NPAS2: variants seen among roughly 807,000 people sequenced by gnomAD.
NPAS2 encodes the protein neuronal PAS domain protein 2.
Under a neutral mutation model 107.5 loss-of-function variants are expected in NPAS2, and 23 were observed. The observed-to-expected ratio is 0.21, with a 90% CI of 0.15 to 0.30. The LOEUF (loss-of-function observed/expected upper bound fraction) is 0.30. Ranked by LOEUF, NPAS2 falls within the 10% of genes least tolerant of loss-of-function variation. The probability of loss-of-function intolerance (pLI) is 1.00; values close to 1 mark genes in which losing one functional copy is unlikely to be tolerated. For synonymous variants in NPAS2, 403 were observed against 417.5 expected (o/e 0.97, Z 0.42); for missense variants, 756 against 1,043.3 (o/e 0.72, Z 3.79).
At chr2:100,824,419 T>A (rs1203190899) in intron 1 of NPAS2, among the ~76,000 whole-genome samples, 1 of 152,182 alleles carries the variant, frequency 6.6e-6, no homozygotes, top group Non-Finnish European at 1.5e-5. Context: ...GTTCTGTTGA[T>A]CAAGACTGCT....
chr2:100,873,303 T>TACACACACAC (rs1553447436), intron 1 of NPAS2, among the ~76,000 whole-genome samples: 4 of 45,974 alleles, frequency 8.7e-5, no homozygotes, highest in East Asian at 9.7e-4. Flanking sequence ...TATATATATA[T>TACACACACAC]ATATACACAC....
intron 11 of NPAS2, chr2:100,970,744 G>T: frequency 2.4e-6 from 1 of 412,564 alleles, no homozygotes; most frequent in Non-Finnish European, 4.3e-6. Context: ...AAATGAGAGG[G>T]GAATAAAGAC....
intron 7 of NPAS2, among the ~76,000 whole-genome samples, chr2:100,960,210 A>T (rs1281423455): frequency 6.6e-6 from 1 of 152,102 alleles, no homozygotes; most frequent in African/African-American, 2.4e-5. Flanking sequence ...TTGAAGTTAC[A>T]GTGTAATGAA....
intron 16 of NPAS2, chr2:100,985,643 T>TC (rs1401059107): frequency 1.3e-5 from 2 of 152,246 alleles, no homozygotes; most frequent in African/African-American, 2.4e-5. Context: ...AGGAAAAAGC[T>TC]CCTTTTTTCA....
chr2:100,993,267 T>A (rs548332755), intron 19 of NPAS2, 80 bp from the exon 20 acceptor site: 1 of 1,368,482 alleles, frequency 7.3e-7, no homozygotes, highest in East Asian at 2.5e-5. Flanking sequence ...TATTTGTTTT[T>A]TCTTTGTTGC....
intron 7 of NPAS2, among the ~76,000 whole-genome samples, chr2:100,957,778 A>G (rs1464309287): frequency 6.6e-6 from 1 of 151,920 alleles, no homozygotes; most frequent in Non-Finnish European, 1.5e-5. Flanking sequence ...TACAGAAAAA[A>G]TTAGCCGGGC....
intron 2 of NPAS2, among the ~76,000 whole-genome samples, chr2:100,924,150 C>T (rs1683414680): frequency 1.3e-5 from 2 of 152,292 alleles, no homozygotes; most frequent in South Asian, 4.1e-4. Flanking sequence ...GTTCCCATAT[C>T]CCCCTGAGCC....
rs750962223 is a variant in NPAS2, at chr2:100,990,385, A to T, written c.1957A>T (p.Thr653Ser). 5.0e-6 allele frequency: 8 copies of T among 1,613,898 alleles called. No homozygotes were observed. The highest frequency in any genetic ancestry group is 6.8e-6 in the Non-Finnish European group (8 of 1,180,012). ...TCTGAATCTGACCACACCTGCTTCC[A>T]CCTCCCAGGATGCCAGCCAGTGCCA... ...PSLNLTTPASTSQDASQCQPS... is the reference protein window; with the variant it reads ...PSLNLTTPASSSQDASQCQPS... Residue 653 changes from threonine (T) to serine (S), a missense_variant, in exon 18 of 21, where the codon ACC (threonine) becomes TCC (serine). By Grantham distance (58) the Thr-to-Ser change is moderately conservative (BLOSUM62 1). Coordinates refer to ENST00000335681, the MANE Select transcript of NPAS2 (RefSeq NM_002518.4).
chr2:100,949,840 C>G (rs896899632), intron 7 of NPAS2, among the ~76,000 whole-genome samples: 1 of 152,206 alleles, frequency 6.6e-6, no homozygotes, highest in Non-Finnish European at 1.5e-5. Flanking sequence ...ATAACCTTGC[C>G]TTCCACACTG....
At position 100,974,939 on chromosome 2, in the gene NPAS2, C is replaced by G; in HGVS notation, c.1277C>G (p.Pro426Arg). Residue 426 changes from proline to arginine, a missense_variant, in exon 13 of 21, where the codon CCC (proline) becomes CGC (arginine). Transcript: ENST00000335681. ...HKSSHTAMSE[P>R]TSTPTKLMAE... The stretch of plus-strand genomic sequence containing the variant: ...TCCTCGCACACAGCCATGTCAGAAC[C>G]CACCTGTGAGTGCGAGTCCATGGAT... 1 of 1,613,906 alleles carries G rather than the reference C, an allele frequency of 6.2e-7. No homozygotes were observed. The highest frequency in any genetic ancestry group is 8.5e-7 in the Non-Finnish European group (1 of 1,179,858).
intron 4 of NPAS2, among the ~76,000 whole-genome samples, chr2:100,935,527 A>G (rs376816482): frequency 6.6e-6 from 1 of 152,228 alleles, no homozygotes; most frequent in South Asian, 2.1e-4. Flanking sequence ...TAAAGCAATG[A>G]CTCAGTGCAG....
At chr2:100,981,096 T>G (rs1348949096) in intron 15 of NPAS2, among the ~76,000 whole-genome samples, 1 of 152,146 alleles carries the variant, frequency 6.6e-6, no homozygotes, top group Non-Finnish European at 1.5e-5. Context: ...TTCTTTTTAT[T>G]ATTATTTTGC....
At chr2:100,934,848 G>GT (rs1232784100) in intron 4 of NPAS2, 76 of 984,946 alleles carry the variant, frequency 7.7e-5, no homozygotes, top group Non-Finnish European at 8.9e-5. Flanking sequence ...CCATCTCTCT[G>GT]TTTTTTTTCA....
At chr2:100,945,185 G>A (rs913102400) in intron 5 of NPAS2, among the ~76,000 whole-genome samples, 9 of 152,056 alleles carry the variant, frequency 5.9e-5, no homozygotes, top group South Asian at 2.1e-4. Context: ...CGGTGCGTCC[G>A]AGCCAGAGCC....
chr2:100,907,795 G>A (rs1006939060), intron 2 of NPAS2, among the ~76,000 whole-genome samples: 5 of 152,120 alleles, frequency 3.3e-5, no homozygotes, highest in South Asian at 2.1e-4. Context: ...ACTTTCTTCC[G>A]TGAATTTCCA....
intron 1 of NPAS2, among the ~76,000 whole-genome samples, chr2:100,848,334 C>T (rs1677916808): frequency 6.6e-6 from 1 of 152,136 alleles, no homozygotes; most frequent in Admixed American, 6.5e-5. Flanking sequence ...GAAGAGATTC[C>T]TGTATCATAC....
chr2:100,991,802 A>G (rs1426523996), intron 19 of NPAS2, among the ~76,000 whole-genome samples: 1 of 152,208 alleles, frequency 6.6e-6, no homozygotes, highest in African/African-American at 2.4e-5. Flanking sequence ...GGGTTAGATT[A>G]CATTCTCGAA....
intron 7 of NPAS2, among the ~76,000 whole-genome samples, chr2:100,956,708 C>T (rs1675588990): frequency 6.6e-6 from 1 of 152,156 alleles, no homozygotes; most frequent in Non-Finnish European, 1.5e-5. Flanking sequence ...GTGTAGGTTC[C>T]AGGGCAGAGG....
chr2:100,865,427 T>G (rs563633317), intron 1 of NPAS2, among the ~76,000 whole-genome samples: 1 of 152,216 alleles, frequency 6.6e-6, no homozygotes, highest in South Asian at 2.1e-4. Context: ...CTGCTATGTG[T>G]TCTTAGACTA....
Sources: gnomAD v4.1 joint callset for allele counts (sites outside exome capture counted in the v4.1 genomes callset) on GRCh38, gnomAD v4.1.1 for gene constraint, MANE v1.5 for transcripts, NCBI Gene and HGNC (gene_info 2026-07-23, HGNC 2026-07-21) for gene names.